The following FGD4 variants were observed in gnomAD, a reference collection of about 807,000 sequenced individuals.
The protein encoded by FGD4 is FYVE, RhoGEF and PH domain containing 4.
Under a neutral mutation model 102.0 loss-of-function variants are expected in FGD4, and 42 were observed. The observed-to-expected ratio is 0.41, with a 90% confidence interval of 0.32 to 0.53. The LOEUF (loss-of-function observed/expected upper bound fraction) is 0.53, where lower values mean the gene tolerates loss of function less well. Among genes scored for constraint, FGD4 ranks in the 20% least tolerant of loss-of-function variants. The pLI, the probability that FGD4 is intolerant of heterozygous loss-of-function variation, is 0.21. For missense variants in FGD4, 902 were observed against 1,078.2 expected, an observed-to-expected ratio of 0.84 and a Z score of 2.29; for synonymous variants, 380 against 375.7, an observed-to-expected ratio of 1.01 and a Z score of -0.13.
intron 1 of FGD4, among the ~76,000 whole-genome samples, chr12:32,434,693 G>A (rs76137006): frequency 0.014 from 2,116 of 152,220 alleles, 21 homozygotes; most frequent in Non-Finnish European, 0.021. Flanking sequence ...AGAAAAATGG[G>A]AATGTGCTTT....
chr12:32,636,838 TA>T (rs1258056210), intron 15 of FGD4, among the ~76,000 whole-genome samples: 1 of 151,698 alleles, frequency 6.6e-6, no homozygotes, highest in Admixed American at 6.6e-5. Flanking sequence ...ACCATTTAGT[TA>T]AATGGTTTTG....
chr12:32,585,618 C>T (rs1273122960), intron 4 of FGD4, among the ~76,000 whole-genome samples: 3 of 151,674 alleles, frequency 2.0e-5, no homozygotes, highest in Non-Finnish European at 4.4e-5. Flanking sequence ...GAGGATCTCT[C>T]GAGTCCAGGA....
At chr12:32,486,060 G>T (rs1023556561) in intron 1 of FGD4, 1 of 1,501,656 alleles carries the variant, frequency 6.7e-7, no homozygotes. Context: ...ACAAATTATG[G>T]ATCCAAATCC....
At chr12:32,514,534 C>G (rs932410093) in intron 1 of FGD4, among the ~76,000 whole-genome samples, 15 of 151,972 alleles carry the variant, frequency 9.9e-5, no homozygotes, top group African/African-American at 3.6e-4. Flanking sequence ...TGTTTTGAGA[C>G]AGGGTCTCAC....
intron 1 of FGD4, among the ~76,000 whole-genome samples, chr12:32,557,302 C>A (rs763660124): frequency 3.9e-5 from 6 of 152,134 alleles, no homozygotes; most frequent in African/African-American, 1.4e-4. Context: ...AATTCTCATT[C>A]ATTCTCTCAC....
intron 1 of FGD4, among the ~76,000 whole-genome samples, chr12:32,532,174 G>C (rs1941871504): frequency 6.6e-6 from 1 of 152,062 alleles, no homozygotes; most frequent in East Asian, 1.9e-4. Context: ...CACAGTAAGA[G>C]ATTAACAGCA....
At chr12:32,562,891 C>A (rs1303955470) in intron 1 of FGD4, among the ~76,000 whole-genome samples, 2 of 150,860 alleles carry the variant, frequency 1.3e-5, no homozygotes, top group Non-Finnish European at 3.0e-5. Flanking sequence ...CACAAAACCG[C>A]CATTGTCATC....
chr12:32,465,736 A>G (rs1943235553), intron 1 of FGD4, among the ~76,000 whole-genome samples: 2 of 151,570 alleles, frequency 1.3e-5, no homozygotes, highest in South Asian at 2.1e-4. Context: ...GACTTAGATG[A>G]TCGTTGTATT....
chr12:32,461,975 T>A (rs1349857589), intron 1 of FGD4, among the ~76,000 whole-genome samples: 1 of 152,184 alleles, frequency 6.6e-6, no homozygotes, highest in Non-Finnish European at 1.5e-5. Context: ...TCCACCCGCC[T>A]CAGCCTCCCA....
intron 1 of FGD4, chr12:32,511,943 C>A (rs377421549): frequency 6.6e-6 from 1 of 152,052 alleles, no homozygotes; most frequent in South Asian, 2.1e-4. Flanking sequence ...CTCAGTTTAG[C>A]ATTTTGTGTG....
At position 32,601,327 on chromosome 12, in the gene FGD4, C is replaced by T. The variant is rs1295394925; in HGVS notation, c.1151C>T (p.Ala384Val). 6.2e-7 allele frequency: 1 copy of T among 1,614,112 alleles called. No individual in the cohort carries two copies. The highest frequency in any genetic ancestry group is 8.5e-7 in the Non-Finnish European group (1 of 1,180,012). Reference sequence around the variant, plus strand: ...GAAGCAAACCGAGGCTCGTTTCCAGCAGAGATGGTGAATAAAATCTTTTCT... The same window carrying T: ...GAAGCAAACCGAGGCTCGTTTCCAGTAGAGATGGTGAATAAAATCTTTTCT... ...LEEANRGSFP[A>V]EMVNKIFSNI... Residue 384 changes from alanine (A) to valine (V), a missense_variant, in exon 6 of 17, where the codon GCA becomes GTA. Ala to Val is a moderately conservative substitution (Grantham distance 64, BLOSUM62 0). Transcript: ENST00000534526.
At chr12:32,515,539 TC>T (rs1469436259) in intron 1 of FGD4, among the ~76,000 whole-genome samples, 6 of 152,232 alleles carry the variant, frequency 3.9e-5, no homozygotes, top group African/African-American at 1.4e-4. Context: ...TGAGTTACAA[TC>T]AACAATAAAT....
At chr12:32,402,146 T>A (rs1386277636) in intron 1 of FGD4, among the ~76,000 whole-genome samples, 1 of 116,876 alleles carries the variant, frequency 8.6e-6, no homozygotes, top group South Asian at 2.6e-4. Context: ...TTTTTTTTTT[T>A]AAAGAGACGG....
At chr12:32,514,678 A>AT (rs956433294) in intron 1 of FGD4, among the ~76,000 whole-genome samples, 59 of 149,498 alleles carry the variant, frequency 3.9e-4, no homozygotes, top group Non-Finnish European at 4.8e-4. Flanking sequence ...TGCCTAGCTA[A>AT]TTTTTTTTTT....
chr12:32,495,398 G>A (rs536301748), intron 1 of FGD4, among the ~76,000 whole-genome samples: 2 of 152,112 alleles, frequency 1.3e-5, no homozygotes, highest in South Asian at 4.2e-4. Flanking sequence ...AAACTTGCAG[G>A]GCAGATTGCT....
At chr12:32,490,416 TGAGATAGTC>T (rs1944048136) in intron 1 of FGD4, among the ~76,000 whole-genome samples, 1 of 150,642 alleles carries the variant, frequency 6.6e-6, no homozygotes, top group Non-Finnish European at 1.5e-5. Context: ...TTTTTTTTTT[TGAGATAGTC>T]TTGCTCTGTT....
intron 3 of FGD4, among the ~76,000 whole-genome samples, chr12:32,577,207 T>G (rs1946198899): frequency 6.6e-6 from 1 of 152,196 alleles, no homozygotes; most frequent in Non-Finnish European, 1.5e-5. Context: ...AAAAAGAAAT[T>G]TTGTCACTGA....
chr12:32,550,670 C>CAAAAAAAAAAAAAAAAAAA (rs71447606), intron 1 of FGD4, among the ~76,000 whole-genome samples: 2 of 89,244 alleles, frequency 2.2e-5, no homozygotes, highest in African/African-American at 4.3e-5. Context: ...GACACTGTCT[C>CAAAAAAAAAAAAAAAAAAA]AAAAAAAAAA....
At position 32,641,234 on chromosome 12, in the gene FGD4, G is replaced by A. The variant is rs1468976095; in HGVS notation, c.*701G>A. 6.6e-6 allele frequency: 1 copy of A among 151,904 alleles called. No homozygotes were observed. The highest frequency in any genetic ancestry group is 6.6e-5 in the Admixed American group (1 of 15,226). 9.4% of individuals were successfully genotyped at this position (151,904 alleles called of 1,614,324 possible). On this transcript the variant is annotated 3_prime_UTR_variant, in exon 17 of 17. Coordinates refer to ENST00000534526, the MANE Select transcript of FGD4 (RefSeq NM_001370298.3). ...TTTTAAATATAAAGCATGGTTTATC[G>A]TGGAATTGAGCAATGTTCTAAACTG...
Sources: allele counts gnomAD v4.1 joint callset (sites outside exome capture counted in the v4.1 genomes callset), GRCh38; gene constraint gnomAD v4.1.1; transcripts MANE v1.5; gene names NCBI Gene and HGNC (gene_info 2026-07-23, HGNC 2026-07-21).